Variants in NAALADL2 observed in about 807,000 individuals in gnomAD.
The protein encoded by NAALADL2 is inactive N-acetylated-alpha-linked acidic dipeptidase-like protein 2.
In NAALADL2, 76 loss-of-function variants were observed where a neutral mutation model predicts 87.2. That is an observed-to-expected ratio of 0.87 (90% CI 0.72 to 1.05). The LOEUF (loss-of-function observed/expected upper bound fraction) is 1.05, where lower values mean the gene tolerates loss of function less well. Among genes scored for constraint, NAALADL2 ranks in the 50% least tolerant of loss-of-function variants. The pLI is 0.00. For synonymous variants in NAALADL2, 354 were observed against 331.0 expected (o/e 1.07, Z -0.75); for missense variants, 1,089 against 945.8 (o/e 1.15, Z -1.99).
At chr3:174,920,082 G>A (rs1734949228) in intron 1 of NAALADL2, among the ~76,000 whole-genome samples, 1 of 152,166 alleles carries the variant, frequency 6.6e-6, no homozygotes, top group African/African-American at 2.4e-5. Context: ...ATTTTATAGA[G>A]TACATATAGA....
intron 1 of NAALADL2, among the ~76,000 whole-genome samples, chr3:174,919,030 T>C (rs982518822): frequency 6.6e-6 from 1 of 152,054 alleles, no homozygotes; most frequent in African/African-American, 2.4e-5. Context: ...TAGGGTACAA[T>C]ATCATTGTGT....
intron 2 of NAALADL2, among the ~76,000 whole-genome samples, chr3:175,177,324 T>C (rs1358478190): frequency 6.6e-6 from 1 of 152,132 alleles, no homozygotes; most frequent in African/African-American, 2.4e-5. Context: ...TGAGAACATC[T>C]CTATTGCTGT....
At chr3:174,668,916 T>G (rs1176269765) in intron 2 of NAALADL2, among the ~76,000 whole-genome samples, 2 of 152,180 alleles carry the variant, frequency 1.3e-5, no homozygotes, top group Admixed American at 6.6e-5. Context: ...ATGATTTATA[T>G]TCCTTTGGGT....
chr3:174,969,413 G>A (rs1054329803), intron 1 of NAALADL2, among the ~76,000 whole-genome samples: 3 of 152,044 alleles, frequency 2.0e-5, no homozygotes, highest in Non-Finnish European at 2.9e-5. Flanking sequence ...TAAAGATGAG[G>A]ATATTTTGTA....
intron 1 of NAALADL2, among the ~76,000 whole-genome samples, chr3:174,876,160 A>T (rs953772631): frequency 6.6e-6 from 1 of 152,166 alleles, no homozygotes; most frequent in Non-Finnish European, 1.5e-5. Context: ...TACATTCTGC[A>T]CAAAATACAA....
intron 1 of NAALADL2, among the ~76,000 whole-genome samples, chr3:174,923,422 T>C (rs1231798222): frequency 6.6e-6 from 1 of 152,106 alleles, no homozygotes; most frequent in Non-Finnish European, 1.5e-5. Context: ...GACAGTATTC[T>C]TATACAGTAG....
At chr3:175,676,566 C>T (rs891927142) in intron 11 of NAALADL2, 1 of 152,034 alleles carries the variant, frequency 6.6e-6, no homozygotes, top group African/African-American at 2.4e-5. Context: ...TATGTCCTCT[C>T]ACTGTAACTT....
At chr3:175,237,491 T>A (rs1746104575) in intron 3 of NAALADL2, among the ~76,000 whole-genome samples, 1 of 152,076 alleles carries the variant, frequency 6.6e-6, no homozygotes, top group Non-Finnish European at 1.5e-5. Context: ...ACCCCCAGCC[T>A]CTCTCCCATT....
Position 175,446,881 on chromosome 3 carries a change from C to T in NAALADL2, c.1091-348C>T, listed in dbSNP as rs373785561. Among the ~76,000 whole-genome samples, 38 of 152,292 alleles carry T rather than the reference C, an allele frequency of 2.5e-4. 1 individual carries two copies. In the East Asian group the frequency reaches 5.2e-3, roughly 21 times the overall value. ...TACATCACTGACACTTACATATCTGCTTTCCAACTAGAATCTTATTACTAT... is the reference window on the plus strand; with the variant it reads ...TACATCACTGACACTTACATATCTGTTTTCCAACTAGAATCTTATTACTAT... On this transcript the variant is annotated intron_variant, in intron 5 of 13. Coordinates refer to ENST00000454872, the MANE Select transcript of NAALADL2 (RefSeq NM_207015.3).
intron 2 of NAALADL2, among the ~76,000 whole-genome samples, chr3:175,131,780 C>T (rs545286948): frequency 3.0e-4 from 45 of 148,186 alleles, no homozygotes; most frequent in Admixed American, 6.7e-4. Context: ...GGCTGACCCC[C>T]CCACCTCCCT....
At chr3:175,442,984 T>C (rs1720072432) in intron 5 of NAALADL2, among the ~76,000 whole-genome samples, 1 of 152,196 alleles carries the variant, frequency 6.6e-6, no homozygotes, top group South Asian at 2.1e-4. Flanking sequence ...TATCACTGAA[T>C]AAAAATAGTA....
chr3:174,880,692 C>T (rs1199829827), intron 1 of NAALADL2, among the ~76,000 whole-genome samples: 1 of 152,084 alleles, frequency 6.6e-6, no homozygotes, highest in African/African-American at 2.4e-5. Flanking sequence ...ACTCCTTCAC[C>T]TTCTTTAAGT....
chr3:175,657,822 C>G (rs1363221395), intron 11 of NAALADL2, among the ~76,000 whole-genome samples: 1 of 151,818 alleles, frequency 6.6e-6, no homozygotes, highest in African/African-American at 2.4e-5. Context: ...GTGATCCGCC[C>G]GTCTCAGCCT....
chr3:174,859,547 G>A (rs532352457), intron 1 of NAALADL2, 97 bp downstream of exon 1: 16 of 919,338 alleles, frequency 1.7e-5, no homozygotes, highest in Admixed American at 8.1e-5. Context: ...ATGCACACAC[G>A]CATCCCTGCA....
chr3:174,882,723 GTA>G (rs1219288170), intron 1 of NAALADL2, among the ~76,000 whole-genome samples: 1 of 144,288 alleles, frequency 6.9e-6, no homozygotes, highest in Non-Finnish European at 1.5e-5. Flanking sequence ...ACATATATGT[GTA>G]TATGTGTATC....
At chr3:175,717,046 G>T (rs992920556) in intron 11 of NAALADL2, among the ~76,000 whole-genome samples, 1 of 152,126 alleles carries the variant, frequency 6.6e-6, no homozygotes, top group Non-Finnish European at 1.5e-5. Flanking sequence ...TTGGCTTTAG[G>T]CTCTAAGTTC....
chr3:175,188,461 C>T (rs556626262), intron 2 of NAALADL2, among the ~76,000 whole-genome samples: 1 of 152,202 alleles, frequency 6.6e-6, no homozygotes, highest in Admixed American at 6.5e-5. Context: ...ATGCACTTTC[C>T]CTTGAGGAAC....
At chr3:175,072,710 G>T (rs1715884722) in intron 1 of NAALADL2, among the ~76,000 whole-genome samples, 2 of 102,580 alleles carry the variant, frequency 1.9e-5, no homozygotes, top group Admixed American at 2.6e-4. Context: ...AGGGGGGAGG[G>T]ATAGCATTAG....
intron 1 of NAALADL2, among the ~76,000 whole-genome samples, chr3:174,483,954 A>G (rs1242864976): frequency 3.3e-5 from 5 of 152,088 alleles, no homozygotes; most frequent in Non-Finnish European, 7.4e-5. Flanking sequence ...ATTTTTGGTA[A>G]TAGAGCTATG....
Sources: allele counts gnomAD v4.1 joint callset (sites outside exome capture counted in the v4.1 genomes callset), GRCh38; gene constraint gnomAD v4.1.1; transcripts MANE v1.5; gene names NCBI Gene and HGNC (gene_info 2026-07-23, HGNC 2026-07-21).